NEK4: variants seen among roughly 807,000 people sequenced by gnomAD.
NEK4 encodes serine/threonine-protein kinase Nek4.
NEK4 carries 86 observed loss-of-function variants against 98.4 expected under a neutral mutation model. That is an observed-to-expected ratio of 0.87 (90% CI 0.73 to 1.05). The LOEUF is 1.05. NEK4 is among the 50% of genes least tolerant of loss of function. The pLI, the probability that NEK4 is intolerant of heterozygous loss-of-function variation, is 0.00. For synonymous variants in NEK4, 328 were observed against 342.2 expected (o/e 0.96, Z 0.46); for missense variants, 898 against 950.3 (o/e 0.94, Z 0.72).
In NEK4 at chr3:52,711,866, G is replaced by A. The variant is rs187332751; in HGVS notation, c.2437C>T (p.Arg813Cys). The part of the protein sequence containing the change: ...EEEDEFDREV[R>C]LREHMGEKYT... ...TTTTCACCCATGTGCTCCCGCAAAC[G>A]TACCTATTTGAGAAACAAAAAGAAA... Residue 813 changes from arginine (R) to cysteine (C), a missense_variant, in exon 16 of 16, where the codon CGT becomes TGT. Arg to Cys is a radical substitution (Grantham distance 180). Transcript: ENST00000233027. The A allele has an allele frequency of 1.7e-4, 271 of 1,578,642 alleles. 1 individual carries two copies. Among genetic ancestry groups the A allele is most frequent in the Middle Eastern group, 3.3e-4 (2 of 5,972 alleles).
At chr3:52,765,566 T>C (rs142210179) in intron 4 of NEK4, among the ~76,000 whole-genome samples, 4 of 152,282 alleles carry the variant, frequency 2.6e-5, no homozygotes, top group African/African-American at 9.6e-5. Flanking sequence ...ATGTAGCTCA[T>C]TGAATCATAG....
chr3:52,724,927 A>G (rs1454302584), intron 15 of NEK4, among the ~76,000 whole-genome samples: 1 of 152,240 alleles, frequency 6.6e-6, no homozygotes, highest in African/African-American at 2.4e-5. Context: ...TACTCTATAA[A>G]TATGTACAAT....
chr3:52,767,805 G>A (rs987280222), intron 2 of NEK4, among the ~76,000 whole-genome samples: 3 of 151,696 alleles, frequency 2.0e-5, no homozygotes, highest in African/African-American at 7.3e-5. Flanking sequence ...TTCCAAAATA[G>A]TATTTCATAA....
chr3:52,742,589 C>T (rs2097388316), intron 12 of NEK4, among the ~76,000 whole-genome samples: 1 of 152,046 alleles, frequency 6.6e-6, no homozygotes, highest in East Asian at 1.9e-4. Context: ...CTAGTAATTA[C>T]CCATTTAGCC....
At chr3:52,768,106 A>C (rs1698642648) in intron 2 of NEK4, among the ~76,000 whole-genome samples, 1 of 152,208 alleles carries the variant, frequency 6.6e-6, no homozygotes, top group Non-Finnish European at 1.5e-5. Context: ...ATGGTAATTG[A>C]GTGGGCTTCC....
intron 8 of NEK4, 31 bp downstream of exon 8, chr3:52,749,661 C>A: frequency 8.3e-6 from 2 of 240,302 alleles, no homozygotes; most frequent in South Asian, 3.8e-5. Flanking sequence ...TGGTAAAACC[C>A]CATCTCTGCT....
chr3:52,749,076 G>C (rs1215014174), intron 8 of NEK4, among the ~76,000 whole-genome samples: 1 of 152,010 alleles, frequency 6.6e-6, no homozygotes, highest in Non-Finnish European at 1.5e-5. Context: ...AACAGAGCAA[G>C]GCCTTGCAGA....
chr3:52,734,926 G>T, intron 15 of NEK4: 2 of 221,608 alleles, frequency 9.0e-6, no homozygotes, highest in South Asian at 6.2e-5. Flanking sequence ...AAGGGGTAAT[G>T]GAAACATTCT....
At chr3:52,718,039 C>G (rs1489164617) in intron 15 of NEK4, among the ~76,000 whole-genome samples, 3 of 151,760 alleles carry the variant, frequency 2.0e-5, no homozygotes, top group Non-Finnish European at 4.4e-5. Context: ...AGTGATCTGC[C>G]CACCTCAGTC....
chr3:52,759,392 C>A (rs896482370), intron 6 of NEK4, among the ~76,000 whole-genome samples: 1 of 134,116 alleles, frequency 7.5e-6, no homozygotes, highest in South Asian at 2.3e-4. Context: ...CAGAGCAAGA[C>A]CCTGTATCAA....
At chr3:52,747,865 A>C (rs956141233) in intron 8 of NEK4, among the ~76,000 whole-genome samples, 1 of 151,884 alleles carries the variant, frequency 6.6e-6, no homozygotes, top group African/African-American at 2.4e-5. Flanking sequence ...GGATTGTATG[A>C]GTCCAGGAGG....
At chr3:52,741,040 C>G (rs1036958395) in intron 13 of NEK4, among the ~76,000 whole-genome samples, 1 of 151,694 alleles carries the variant, frequency 6.6e-6, no homozygotes, top group African/African-American at 2.4e-5. Context: ...CGAGACCATC[C>G]TGGCTAACAC....
intron 6 of NEK4, among the ~76,000 whole-genome samples, chr3:52,758,996 A>G (rs1206647477): frequency 6.6e-6 from 1 of 151,302 alleles, no homozygotes; most frequent in African/African-American, 2.4e-5. Context: ...AGGCTGAGGT[A>G]GGAGGATCCC....
Position 52,755,466 on chromosome 3 carries a change from AG to A in NEK4, c.964-3131del, listed in dbSNP as rs2097413555. Among the ~76,000 whole-genome samples, 2 of 152,034 alleles carry A rather than the reference AG, an allele frequency of 1.3e-5. 1 individual carries two copies. Among genetic ancestry groups the A allele is most frequent in the Admixed American group, 1.3e-4 (2 of 15,234 alleles). On this transcript the variant is annotated intron_variant, in intron 6 of 15. Coordinates refer to ENST00000233027, the MANE Select transcript of NEK4 (RefSeq NM_003157.6). Reference sequence around the variant, plus strand: ...TCAACACCCTTATGTGATGATTTTCAGGGCTGTGAAAAAAAAACACCTTTTC... The same window carrying A: ...TCAACACCCTTATGTGATGATTTTCAGGCTGTGAAAAAAAAACACCTTTTC...
chr3:52,723,755 C>T (rs1223930527), intron 15 of NEK4, among the ~76,000 whole-genome samples: 1 of 151,308 alleles, frequency 6.6e-6, no homozygotes, highest in Non-Finnish European at 1.5e-5. Flanking sequence ...TGTGGGAGTC[C>T]CAGAGAAAGA....
chr3:52,725,007 G>A (rs1340831790), intron 15 of NEK4, among the ~76,000 whole-genome samples: 4 of 151,910 alleles, frequency 2.6e-5, no homozygotes, highest in Non-Finnish European at 1.5e-5. Context: ...TAAACAGATG[G>A]GCAACTATAA....
At chr3:52,754,485 C>T (rs1578684442) in intron 6 of NEK4, 1 of 754,614 alleles carries the variant, frequency 1.3e-6, no homozygotes, top group Non-Finnish European at 2.3e-6. Context: ...GTATGTATTA[C>T]TCGTCTGTCT....
chr3:52,718,730 C>T (rs569279679), intron 15 of NEK4, among the ~76,000 whole-genome samples: 3 of 152,270 alleles, frequency 2.0e-5, no homozygotes, highest in Non-Finnish European at 4.4e-5. Context: ...CTCGCTTCCC[C>T]GCAACCCGCC....
chr3:52,763,187 T>G (rs943705971), intron 5 of NEK4, among the ~76,000 whole-genome samples: 6 of 152,238 alleles, frequency 3.9e-5, no homozygotes, highest in African/African-American at 1.4e-4. Context: ...TAGTAGAAGT[T>G]AGGTCTTCAT....
Sources: gnomAD v4.1 joint callset for allele counts (sites outside exome capture counted in the v4.1 genomes callset) on GRCh38, gnomAD v4.1.1 for gene constraint, MANE v1.5 for transcripts, NCBI Gene and HGNC (gene_info 2026-07-23, HGNC 2026-07-21) for gene names.